Variants in SOX7 observed in about 807,000 individuals in gnomAD.
SOX7 encodes SRY-box transcription factor 7, also known as transcription factor SOX-7.
SOX7 carries 19 observed loss-of-function variants against 24.9 expected under a neutral mutation model. That is an observed-to-expected ratio of 0.76 (90% confidence interval 0.53 to 1.12). The LOEUF (loss-of-function observed/expected upper bound fraction) is 1.12. Among genes scored for constraint, SOX7 ranks in the 50% most tolerant of loss-of-function variants. The pLI is 0.00. For synonymous variants in SOX7, 327 were observed against 244.5 expected, an observed-to-expected ratio of 1.34 and a Z score of -3.15; for missense variants, 702 against 535.0, an observed-to-expected ratio of 1.31 and a Z score of -3.08.
Position 10,725,428 on chromosome 8 carries a change from A to C in SOX7, c.*310T>G, listed in dbSNP as rs556047852. The C allele has an allele frequency of 2.5e-5, 10 of 398,356 alleles. No homozygotes were observed. Among genetic ancestry groups the C allele is most frequent in the Non-Finnish European group, 3.6e-5 (8 of 220,828 alleles). The allele number at this position is 398,356 out of a possible 1,614,324, so 24.7% of individuals were successfully genotyped here. On this transcript the variant is annotated 3_prime_UTR_variant, in exon 2 of 2. Transcript: ENST00000304501. ...CAAGTCTGTCCCCCCATTAGTTTCG[A>C]TGATGGCTACCAAGAAAAGACGTCA...
chr8:10,726,444 C>T lies in SOX7; in HGVS notation c.461G>A (p.Gly154Glu), dbSNP rs1800156116. ...CCTGTCCTCCTTCTCCCCCAGCGCCCCCCGGCTGCCGCTTCTCTTCTCCGG... is the reference window on the plus strand; with the variant it reads ...CCTGTCCTCCTTCTCCCCCAGCGCCTCCCGGCTGCCGCTTCTCTTCTCCGG... ...ALPEKRSGSRGALGEKEDRGE... is the reference protein window; with the variant it reads ...ALPEKRSGSREALGEKEDRGE... The change falls in exon 2 of 2, where the codon GGG becomes GAG. Residue 154 changes from glycine (G) to glutamate (E), a missense_variant. Transcript: ENST00000304501. 4 of 1,612,224 alleles carry T rather than the reference C, an allele frequency of 2.5e-6. No homozygotes were observed. Among genetic ancestry groups the T allele is most frequent in the African/African-American group, 1.3e-5 (1 of 75,014 alleles).
intron 1 of SOX7, among the ~76,000 whole-genome samples, chr8:10,728,557 T>A (rs917932903): frequency 1.2e-4 from 18 of 152,216 alleles, no homozygotes; most frequent in Admixed American, 3.9e-4. Flanking sequence ...GGAAGGAATC[T>A]GTGTCTTTTC....
Position 10,726,351 on chromosome 8 carries a change from C to A in SOX7, c.554G>T (p.Gly185Val). 1 of 1,612,770 alleles carries A rather than the reference C, an allele frequency of 6.2e-7. No homozygotes were observed. The highest frequency in any genetic ancestry group is 8.5e-7 in the Non-Finnish European group (1 of 1,179,644). Residue 185 changes from glycine to valine, a missense_variant, in exon 2 of 2, where the codon GGT (glycine) becomes GTT (valine). Gly to Val is a moderately radical substitution (Grantham distance 109, BLOSUM62 -3). Transcript: ENST00000304501. ...RGCYHEGPAG[G>V]GGGGTPSSVD... Reference sequence around the variant, plus strand: ...ACTGCTCGGGGTGCCGCCGCCGCCACCACCAGCCGGCCCCTCGTGGTAGCA... The same window carrying A: ...ACTGCTCGGGGTGCCGCCGCCGCCAACACCAGCCGGCCCCTCGTGGTAGCA...
At chr8:10,727,191 C>G (rs1396092362) in intron 1 of SOX7, among the ~76,000 whole-genome samples, 1 of 152,198 alleles carries the variant, frequency 6.6e-6, no homozygotes, top group East Asian at 1.9e-4. Context: ...TCAGTCAATA[C>G]TTTCACAGAT....
In SOX7 at chr8:10,725,641, G is replaced by A. The variant is rs77727642; in HGVS notation, c.*97C>T. On this transcript the variant is annotated 3_prime_UTR_variant, in exon 2 of 2. Transcript: ENST00000304501. Reference sequence around the variant, plus strand: ...CAGTTCAGACCTCCCTGCCCTGAGCGGTGGGAGGAAAGCTGGTGTGGCTGG... The same window carrying A: ...CAGTTCAGACCTCCCTGCCCTGAGCAGTGGGAGGAAAGCTGGTGTGGCTGG... 3.5e-3 allele frequency: 4,610 copies of A among 1,331,818 alleles called. 102 individuals are homozygous for A. The African/African-American group carries it at 0.047, about 14-fold the overall frequency. The allele number at this position is 1,331,818 out of a possible 1,614,324, so 82.5% of individuals were successfully genotyped here.
chr8:10,730,345 G>A lies in SOX7; in HGVS notation c.89C>T (p.Pro30Leu). The A allele has an allele frequency of 1.9e-6, 3 of 1,565,700 alleles. No individual in the cohort carries two copies. Among genetic ancestry groups the A allele is most frequent in the Non-Finnish European group, 2.6e-6 (3 of 1,160,178 alleles). ...DAELSDGQSP[P>L]AVPRPPGDKG... Reference sequence around the variant, plus strand: ...GTCCCCCGGGGGCCGGGGGACGGCCGGCGGCGATTGTCCATCCGACAGCTC... The same window carrying A: ...GTCCCCCGGGGGCCGGGGGACGGCCAGCGGCGATTGTCCATCCGACAGCTC... The change falls in exon 1 of 2, where the codon CCG (proline) becomes CTG (leucine). Residue 30 changes from proline to leucine, a missense_variant. By Grantham distance (98) the Pro-to-Leu change is moderately conservative. Transcript: ENST00000304501. This position sits in a 1 kb window ranked among gnomAD's most constrained non-coding sequence, Gnocchi z 4.8.
Position 10,726,300 on chromosome 8 carries a change from G to A in SOX7, c.605C>T (p.Pro202Leu), listed in dbSNP as rs577721432. The A allele has an allele frequency of 1.9e-6, 3 of 1,613,846 alleles. No homozygotes were observed. The highest frequency in any genetic ancestry group is 1.1e-5 in the South Asian group (1 of 91,088). ...CAGGGGAGACATTTCAGGAGGTGTG[G>A]GCAGCCCGTACGGGTACGTGTCCAC... ...SSVDTYPYGL[P>L]TPPEMSPLDV... is the part of the protein sequence containing the mutation. The change falls in exon 2 of 2, where the codon CCC (proline) becomes CTC (leucine). Residue 202 changes from proline to leucine, a missense_variant. By Grantham distance (98) the Pro-to-Leu change is moderately conservative. Coordinates refer to ENST00000304501, the MANE Select transcript of SOX7 (RefSeq NM_031439.4).
rs1800241993 is a variant in SOX7 at position 10,730,504 on chromosome 8, G to T, written c.-71C>A. 4.4e-6 allele frequency: 5 copies of T among 1,131,608 alleles called. No individual in the cohort carries two copies. Among genetic ancestry groups the T allele is most frequent in the Non-Finnish European group, 5.8e-6 (5 of 859,320 alleles). 70.1% of individuals were successfully genotyped at this position (1,131,608 alleles called of 1,614,324 possible). On this transcript the variant is annotated 5_prime_UTR_variant, in exon 1 of 2. Transcript: ENST00000304501. This position sits in a 1 kb window ranked among gnomAD's most constrained non-coding sequence, Gnocchi z 4.8. ...ACCTGGCCCTCGCACGGGTCGGGGC[G>T]TCCAACTTGGCCCGCAGCCGCGACC...
In SOX7 at chr8:10,724,355, A is replaced by C. The variant is rs1325293891; in HGVS notation, c.*1383T>G. On this transcript the variant is annotated 3_prime_UTR_variant, in exon 2 of 2. Coordinates refer to ENST00000304501, the MANE Select transcript of SOX7 (RefSeq NM_031439.4). ...GGAAGACAAATTCTCACAGCAGCTA[A>C]AGGAAGCATGCTTGGGATAAGTCAG... 6.6e-6 allele frequency: 1 copy of C among 152,236 alleles called. No individual in the cohort carries two copies. The highest frequency in any genetic ancestry group is 1.9e-4 in the East Asian group (1 of 5,206). 9.4% of individuals were successfully genotyped at this position (152,236 alleles called of 1,614,324 possible). A position where few individuals can be genotyped will look rare whatever the true frequency, so the allele number is the denominator to read the frequency against.
Position 10,725,793 on chromosome 8 carries a change from A to G in SOX7, c.1112T>C (p.Ile371Thr). The change falls in exon 2 of 2, where the codon ATC (isoleucine) becomes ACC (threonine). Residue 371 changes from isoleucine (I) to threonine (T), a missense_variant. Coordinates refer to ENST00000304501, the MANE Select transcript of SOX7 (RefSeq NM_031439.4). ...GGCCGTGGCATCAGCCAGGACGGAG[A>G]TGAGGCTGGTCTCTGTGGGACCCGT... ...TPTGPTETSL[I>T]SVLADATATY... The G allele has an allele frequency of 1.2e-6, 2 of 1,614,112 alleles. No individual in the cohort carries two copies. Among genetic ancestry groups the G allele is most frequent in the South Asian group, 1.1e-5 (1 of 91,072 alleles).
Position 10,725,941 on chromosome 8 carries a change from C to G in SOX7, c.964G>C (p.Glu322Gln). The stretch of plus-strand genomic sequence containing the variant: ...TTGCGATCCATGTCCCCCAGGAGTT[C>G]CACCTGGCTCAGTTGATCCAGGGCG... ...FDALDQLSQV[E>Q]LLGDMDRNEF... The change falls in exon 2 of 2, where the codon GAA (glutamate) becomes CAA (glutamine). Residue 322 changes from glutamate to glutamine, a missense_variant. Physicochemically the swap from Glu to Gln is conservative, Grantham distance 29. Coordinates refer to ENST00000304501, the MANE Select transcript of SOX7 (RefSeq NM_031439.4). 6.2e-7 allele frequency: 1 copy of G among 1,613,370 alleles called. No homozygotes were observed. The highest frequency in any genetic ancestry group is 8.5e-7 in the Non-Finnish European group (1 of 1,179,380).
chr8:10,727,616 T>C (rs1800180475), intron 1 of SOX7, among the ~76,000 whole-genome samples: 1 of 152,240 alleles, frequency 6.6e-6, no homozygotes, highest in Non-Finnish European at 1.5e-5. Context: ...GCTTGTCTGT[T>C]GCTTTTCAAG....
chr8:10,729,914 C>T (rs1373447435), intron 1 of SOX7, among the ~76,000 whole-genome samples: 1 of 152,096 alleles, frequency 6.6e-6, no homozygotes, highest in East Asian at 1.9e-4. Flanking sequence ...GCCCCGTCTC[C>T]CCGCCCCCTG....
chr8:10,726,581 G>C lies in SOX7; in HGVS notation c.324C>G (p.Asp108Glu), dbSNP rs1240874701. 6.2e-7 allele frequency: 1 copy of C among 1,610,934 alleles called. No individual in the cohort carries two copies. ...AERLRLQHMQ[D>E]YPNYKYRPRR... is the part of the protein sequence containing the mutation. ...GCGGCCGGTACTTGTAGTTGGGGTA[G>C]TCCTGCATGTGCTGCAGGCGCAGCC... Residue 108 changes from aspartate to glutamate, a missense_variant, in exon 2 of 2, where the codon GAC becomes GAG. By Grantham distance (45) the Asp-to-Glu change is conservative. Transcript: ENST00000304501.
At position 10,725,563 on chromosome 8, in the gene SOX7, G is replaced by A. The variant is rs776332595; in HGVS notation, c.*175C>T. The A allele has an allele frequency of 2.5e-4, 157 of 633,342 alleles. No homozygotes were observed. The highest frequency in any genetic ancestry group is 3.8e-4 in the Non-Finnish European group (140 of 365,332). 39.2% of individuals were successfully genotyped at this position (633,342 alleles called of 1,614,324 possible). The stretch of plus-strand genomic sequence containing the variant: ...GGGCTGGAACGTGGGGAAGGGGATA[G>A]AGGCGGCACTCGGATAAGGAGAGTC... On this transcript the variant is annotated 3_prime_UTR_variant, in exon 2 of 2. Coordinates refer to ENST00000304501, the MANE Select transcript of SOX7 (RefSeq NM_031439.4).
At chr8:10,729,822 T>A (rs987910645) in intron 1 of SOX7, among the ~76,000 whole-genome samples, 2 of 152,078 alleles carry the variant, frequency 1.3e-5, no homozygotes, top group African/African-American at 4.8e-5. Flanking sequence ...TAAACGCCTG[T>A]TCCACCCAGC....
Position 10,726,309 on chromosome 8 carries a change from T to C in SOX7, c.596A>G (p.Tyr199Cys), listed in dbSNP as rs374301500. The C allele has an allele frequency of 3.1e-6, 5 of 1,613,530 alleles. No homozygotes were observed. Among genetic ancestry groups the C allele is most frequent in the Non-Finnish European group, 4.2e-6 (5 of 1,179,924 alleles). The change falls in exon 2 of 2, where the codon TAC (tyrosine) becomes TGC (cysteine). Residue 199 changes from tyrosine (Y) to cysteine (C), a missense_variant. By Grantham distance (194) the Tyr-to-Cys change is radical (BLOSUM62 -2). Coordinates refer to ENST00000304501, the MANE Select transcript of SOX7 (RefSeq NM_031439.4). Reference sequence around the variant, plus strand: ...CATTTCAGGAGGTGTGGGCAGCCCGTACGGGTACGTGTCCACACTGCTCGG... The same window carrying C: ...CATTTCAGGAGGTGTGGGCAGCCCGCACGGGTACGTGTCCACACTGCTCGG... The part of the protein sequence containing the change: ...GTPSSVDTYP[Y>C]GLPTPPEMSP...
Position 10,724,031 on chromosome 8 carries a change from A to G in SOX7, c.*1707T>C, listed in dbSNP as rs1800095463. 1 of 152,344 alleles carries G rather than the reference A, an allele frequency of 6.6e-6. No homozygotes were observed. The highest frequency in any genetic ancestry group is 1.5e-5 in the Non-Finnish European group (1 of 68,046). 9.4% of individuals were successfully genotyped at this position (152,344 alleles called of 1,614,324 possible). A position where few individuals can be genotyped will look rare whatever the true frequency, so the allele number is the denominator to read the frequency against. On this transcript the variant is annotated 3_prime_UTR_variant, in exon 2 of 2. Coordinates refer to ENST00000304501, the MANE Select transcript of SOX7 (RefSeq NM_031439.4). Reference sequence around the variant, plus strand: ...CTTATAAGTGATTTTACAATAGGACATCTTAGAAGGACAAAAAGGATTTAT... The same window carrying G: ...CTTATAAGTGATTTTACAATAGGACGTCTTAGAAGGACAAAAAGGATTTAT...
Position 10,730,329 on chromosome 8 carries a change from G to A in SOX7, c.105C>T (p.Pro35=), listed in dbSNP as rs764777065. The A allele has an allele frequency of 2.5e-6, 4 of 1,568,874 alleles. No individual in the cohort carries two copies. Among genetic ancestry groups the A allele is most frequent in the South Asian group, 2.3e-5 (2 of 86,786 alleles). ...DGQSPPAVPR[P]PGDKGSESRI... is the part of the protein sequence containing the mutation. ...GGCTCTCGGAGCCCTTGTCCCCCGG[G>A]GGCCGGGGGACGGCCGGCGGCGATT... Residue 35 remains proline (P), a synonymous_variant, in exon 1 of 2, where the codon CCC becomes CCT. Transcript: ENST00000304501. This position sits in a 1 kb window ranked among gnomAD's most constrained non-coding sequence, Gnocchi z 4.8.
Sources: allele counts gnomAD v4.1 joint callset (sites outside exome capture counted in the v4.1 genomes callset), GRCh38; gene constraint gnomAD v4.1.1; non-coding constraint Gnocchi (gnomAD v3.1); transcripts MANE v1.5; gene names NCBI Gene and HGNC (gene_info 2026-07-23, HGNC 2026-07-21).